DGKI: variants seen among roughly 807,000 people sequenced by gnomAD.
The protein encoded by DGKI is diacylglycerol kinase iota.
In DGKI, 55 loss-of-function variants were observed where a neutral mutation model predicts 147.5. That is an observed-to-expected ratio of 0.37 (90% CI 0.30 to 0.47). The LOEUF (loss-of-function observed/expected upper bound fraction) is 0.47. Among genes scored for constraint, DGKI ranks in the 20% least tolerant of loss-of-function variants. DGKI has a pLI of 1.00. For synonymous variants in DGKI, 469 were observed against 477.1 expected (o/e 0.98, Z 0.22); for missense variants, 1,007 against 1,323.8 (o/e 0.76, Z 3.71).
rs557627428 is a variant in DGKI at position 137,813,563 on chromosome 7, A to G, written c.401+32899T>C. Among the ~76,000 whole-genome samples the G allele has an allele frequency of 2.3e-4, 35 of 152,308 alleles. 1 individual carries two copies. Among genetic ancestry groups the G allele is most frequent in the African/African-American group, 8.2e-4 (34 of 41,568 alleles). ...ATACTGAGGATGTCCACCATTCAAT[A>G]AACTTAAAACAGAAAGAAACTGATG... is the stretch of plus-strand genomic sequence containing the variant. On this transcript the variant is annotated intron_variant, in intron 1 of 32. Transcript: ENST00000614521.
intron 21 of DGKI, among the ~76,000 whole-genome samples, chr7:137,492,987 C>T (rs1563051897): frequency 6.6e-6 from 1 of 152,144 alleles, no homozygotes; most frequent in Non-Finnish European, 1.5e-5. Flanking sequence ...ATCCTCTGTA[C>T]CACTTTGCTG....
intron 6 of DGKI, among the ~76,000 whole-genome samples, chr7:137,628,204 G>T (rs971573862): frequency 2.0e-5 from 3 of 152,242 alleles, no homozygotes; most frequent in African/African-American, 7.2e-5. Context: ...TTTTGGGAGA[G>T]AATAGATACA....
At chr7:137,805,754 T>C (rs1797345760) in intron 1 of DGKI, among the ~76,000 whole-genome samples, 1 of 152,214 alleles carries the variant, frequency 6.6e-6, no homozygotes, top group African/African-American at 2.4e-5. Context: ...TGTTCTCAGA[T>C]GGGCATAATC....
intron 5 of DGKI, among the ~76,000 whole-genome samples, chr7:137,649,757 A>G (rs1821957483): frequency 6.7e-6 from 1 of 148,224 alleles, no homozygotes; most frequent in Non-Finnish European, 1.5e-5. Context: ...AGAAATAAAA[A>G]ATTTTATATA....
chr7:137,745,542 C>G (rs1371571396), intron 1 of DGKI, among the ~76,000 whole-genome samples: 1 of 152,220 alleles, frequency 6.6e-6, no homozygotes, highest in Non-Finnish European at 1.5e-5. Flanking sequence ...TGAATCCTCC[C>G]TTTGTCCACG....
intron 6 of DGKI, among the ~76,000 whole-genome samples, chr7:137,625,605 CTGTT>C (rs1820908737): frequency 6.6e-6 from 1 of 151,888 alleles, no homozygotes; most frequent in African/African-American, 2.4e-5. Flanking sequence ...TGGGCCTAAA[CTGTT>C]TGCACAGACT....
intron 1 of DGKI, among the ~76,000 whole-genome samples, chr7:137,726,570 C>T (rs1386755556): frequency 2.0e-5 from 3 of 152,280 alleles, no homozygotes; most frequent in South Asian, 4.1e-4. Flanking sequence ...AATGCAGATT[C>T]TAATTTAATA....
intron 1 of DGKI, among the ~76,000 whole-genome samples, chr7:137,702,340 A>G (rs548121079): frequency 6.6e-6 from 1 of 152,328 alleles, no homozygotes; most frequent in South Asian, 2.1e-4. Flanking sequence ...AAAAGAAGTA[A>G]AAGACATGTC....
In DGKI at chr7:137,769,213, C is replaced by T. The variant is rs150387286; in HGVS notation, c.401+77249G>A. ...AAAAGAAGCCGAGACGTGTTAGACC[C>T]GGTAGATGAACTCTGACTGTGGCAG... On this transcript the variant is annotated intron_variant, in intron 1 of 32. Coordinates refer to ENST00000614521, the MANE Select transcript of DGKI (RefSeq NM_001321708.2). Among the ~76,000 whole-genome samples the T allele has an allele frequency of 3.4e-3, 513 of 152,264 alleles. 3 individuals carry two copies. The highest frequency in any genetic ancestry group is 0.012 in the African/African-American group (495 of 41,534).
At chr7:137,520,944 A>G (rs563614204) in intron 21 of DGKI, among the ~76,000 whole-genome samples, 55 of 152,206 alleles carry the variant, frequency 3.6e-4, no homozygotes, top group Middle Eastern at 3.4e-3. Flanking sequence ...CCAGGTCTAC[A>G]CTTAGAGACC....
chr7:137,490,151 G>A (rs570418740), intron 21 of DGKI, among the ~76,000 whole-genome samples: 3 of 152,262 alleles, frequency 2.0e-5, no homozygotes, highest in South Asian at 4.1e-4. Flanking sequence ...TTTATAACAC[G>A]ATTACCAACA....
intron 28 of DGKI, among the ~76,000 whole-genome samples, chr7:137,428,803 T>C (rs1232652962): frequency 6.6e-6 from 1 of 152,096 alleles, no homozygotes; most frequent in African/African-American, 2.4e-5. Context: ...CCAGTCACAA[T>C]TGCTTCAAAG....
chr7:137,386,486 T>C lies in DGKI; in HGVS notation c.*4734A>G, dbSNP rs1281037868. On this transcript the variant is annotated 3_prime_UTR_variant, in exon 33 of 33. Transcript: ENST00000614521. Reference sequence around the variant, plus strand: ...CCATAATTCTATAAGATGATCAAGGTCAGTGGACATCCATGTGTCCTTTGA... The same window carrying C: ...CCATAATTCTATAAGATGATCAAGGCCAGTGGACATCCATGTGTCCTTTGA... 1 of 152,184 alleles carries C rather than the reference T, an allele frequency of 6.6e-6. No homozygotes were observed. The highest frequency in any genetic ancestry group is 6.6e-5 in the Admixed American group (1 of 15,266). The allele number at this position is 152,184 out of a possible 1,614,324, so 9.4% of individuals were successfully genotyped here. A position where few individuals can be genotyped will look rare whatever the true frequency, so the allele number is the denominator to read the frequency against.
At chr7:137,546,617 T>C (rs1052150852) in intron 20 of DGKI, among the ~76,000 whole-genome samples, 2 of 152,192 alleles carry the variant, frequency 1.3e-5, no homozygotes, top group African/African-American at 4.8e-5. Flanking sequence ...GATTTCTCCC[T>C]TTTCTCCCTT....
chr7:137,800,933 G>T lies in DGKI; in HGVS notation c.401+45529C>A, dbSNP rs1585509469. Among the ~76,000 whole-genome samples the T allele has an allele frequency of 2.6e-5, 4 of 152,272 alleles. No individual in the cohort carries two copies. The South Asian group carries it at 8.3e-4, about 32-fold the overall frequency. On this transcript the variant is annotated intron_variant, in intron 1 of 32. Coordinates refer to ENST00000614521, the MANE Select transcript of DGKI (RefSeq NM_001321708.2). ...TAGCTAAATAATCCACCATTCTGTAGAATAAGAATTTTGTAGAATTTGAAG... is the reference window on the plus strand; with the variant it reads ...TAGCTAAATAATCCACCATTCTGTATAATAAGAATTTTGTAGAATTTGAAG...
rs903001087 is a variant in DGKI at position 137,418,388 on chromosome 7, C to T, written c.2762-6181G>A. On this transcript the variant is annotated intron_variant, in intron 28 of 32. Coordinates refer to ENST00000614521, the MANE Select transcript of DGKI (RefSeq NM_001321708.2). ...AACTGATGTTTTTAGCCCCATCACACAGAAAAAGAATTATTTTAGACTAAG... is the reference window on the plus strand; with the variant it reads ...AACTGATGTTTTTAGCCCCATCACATAGAAAAAGAATTATTTTAGACTAAG... Among the ~76,000 whole-genome samples the T allele has an allele frequency of 5.9e-5, 9 of 152,276 alleles. No homozygotes were observed. In the East Asian group the frequency reaches 1.5e-3, roughly 26 times the overall value.
intron 1 of DGKI, among the ~76,000 whole-genome samples, chr7:137,819,930 G>A (rs1384817783): frequency 3.3e-5 from 5 of 152,120 alleles, no homozygotes; most frequent in East Asian, 3.9e-4. Flanking sequence ...TGTCACTACC[G>A]CTGTAGGGCA....
intron 1 of DGKI, among the ~76,000 whole-genome samples, chr7:137,783,559 G>A (rs536648575): frequency 5.3e-5 from 8 of 152,346 alleles, no homozygotes; most frequent in African/African-American, 1.9e-4. Flanking sequence ...ATATCTGAGG[G>A]AATAATGGAG....
At chr7:137,668,743 A>G (rs1426217430) in intron 3 of DGKI, among the ~76,000 whole-genome samples, 1 of 152,166 alleles carries the variant, frequency 6.6e-6, no homozygotes, top group Non-Finnish European at 1.5e-5. Context: ...GTGAAGGAGC[A>G]AGAGGGGAGG....
Sources: allele counts gnomAD v4.1 joint callset (sites outside exome capture counted in the v4.1 genomes callset), GRCh38; gene constraint gnomAD v4.1.1; transcripts MANE v1.5; gene names NCBI Gene and HGNC (gene_info 2026-07-23, HGNC 2026-07-21).